Variants in ZNF385D observed in about 807,000 individuals in gnomAD.
The protein encoded by ZNF385D is zinc finger protein 659.
Under a neutral mutation model 35.8 loss-of-function variants are expected in ZNF385D, and 15 were observed. That is an observed-to-expected ratio of 0.42 (90% CI 0.28 to 0.64). ZNF385D has a LOEUF of 0.64. ZNF385D is among the 30% of genes least tolerant of loss of function. The pLI, the probability that ZNF385D is intolerant of heterozygous loss-of-function variation, is 0.23. For missense variants in ZNF385D, 474 were observed against 494.6 expected, an observed-to-expected ratio of 0.96 and a Z score of 0.39; for synonymous variants, 212 against 186.8, an observed-to-expected ratio of 1.13 and a Z score of -1.10.
At chr3:22,350,600 T>C (rs1435859133) in intron 2 of ZNF385D, among the ~76,000 whole-genome samples, 1 of 152,138 alleles carries the variant, frequency 6.6e-6, no homozygotes, top group Non-Finnish European at 1.5e-5. Context: ...AAATATCACC[T>C]AGCCATTATC....
chr3:22,231,233 G>C (rs1316901231), intron 2 of ZNF385D, among the ~76,000 whole-genome samples: 4 of 152,182 alleles, frequency 2.6e-5, no homozygotes. Flanking sequence ...AGAAAGTGTT[G>C]CAAGATCAGT....
At chr3:21,531,504 A>G (rs2061921290) in intron 3 of ZNF385D, among the ~76,000 whole-genome samples, 1 of 152,200 alleles carries the variant, frequency 6.6e-6, no homozygotes, top group African/African-American at 2.4e-5. Context: ...ATGAGAAACA[A>G]CCAAGTTGTC....
In ZNF385D at chr3:22,056,655, C is replaced by T. The variant is rs543549999; in HGVS notation, c.325+112162G>A. ...GCAGTTTGACAGTTTTAATTCAAAA[C>T]TATTGTTCAGTGTACATCAGCTATT... On this transcript the variant is annotated intron_variant, in intron 3 of 5. Transcript: ENST00000494108. Among the ~76,000 whole-genome samples the T allele has an allele frequency of 1.0e-3, 153 of 152,304 alleles. 4 individuals are homozygous for T. The South Asian group carries it at 0.031, about 31-fold the overall frequency.
intron 4 of ZNF385D, among the ~76,000 whole-genome samples, chr3:21,448,697 G>T (rs984478466): frequency 6.6e-6 from 1 of 152,126 alleles, no homozygotes; most frequent in African/African-American, 2.4e-5. Flanking sequence ...CTCTTCCCCA[G>T]CAAAGCTAAC....
chr3:21,499,286 T>G (rs1706179946), intron 4 of ZNF385D, among the ~76,000 whole-genome samples: 1 of 152,154 alleles, frequency 6.6e-6, no homozygotes, highest in African/African-American at 2.4e-5. Flanking sequence ...CACCATGGAA[T>G]ACTATGTAAA....
intron 3 of ZNF385D, among the ~76,000 whole-genome samples, chr3:22,101,641 T>C (rs965523069): frequency 6.6e-6 from 1 of 152,000 alleles, no homozygotes; most frequent in Non-Finnish European, 1.5e-5. Flanking sequence ...CAACTATAGC[T>C]ACTAATAGAA....
At chr3:22,170,596 T>C (rs938402935) in intron 2 of ZNF385D, among the ~76,000 whole-genome samples, 32 of 152,316 alleles carry the variant, frequency 2.1e-4, no homozygotes, top group African/African-American at 7.7e-4. Context: ...TCAGATAACC[T>C]TGTTAAAATA....
At chr3:21,987,917 T>A (rs1174537446) in intron 3 of ZNF385D, among the ~76,000 whole-genome samples, 5 of 146,260 alleles carry the variant, frequency 3.4e-5, no homozygotes, top group African/African-American at 9.9e-5. Context: ...ATTTCATTCA[T>A]TTCATCTTCC....
chr3:21,901,102 A>T (rs1240452733), intron 3 of ZNF385D, among the ~76,000 whole-genome samples: 2 of 152,216 alleles, frequency 1.3e-5, no homozygotes, highest in African/African-American at 4.8e-5. Flanking sequence ...GCGCTAAGCA[A>T]ATTGGCTGCA....
Position 22,357,952 on chromosome 3 carries a change from C to T in ZNF385D, c.106+14498G>A, listed in dbSNP as rs189347871. 1.5e-4 allele frequency among the ~76,000 whole-genome samples: 23 copies of T among 151,922 alleles called. 1 individual carries two copies. The highest frequency in any genetic ancestry group is 6.8e-3 in the Middle Eastern group (2 of 294). On this transcript the variant is annotated intron_variant, in intron 2 of 5. Coordinates refer to the ZNF385D transcript ENST00000494108. ...AACAGATTTAAACATTACAAGCATTCGATATGCTATATTTTAAATGGTCTA... is the reference window on the plus strand; with the variant it reads ...AACAGATTTAAACATTACAAGCATTTGATATGCTATATTTTAAATGGTCTA...
intron 1 of ZNF385D, among the ~76,000 whole-genome samples, chr3:21,712,657 T>C (rs2068158360): frequency 6.6e-6 from 1 of 152,188 alleles, no homozygotes; most frequent in Admixed American, 6.5e-5. Context: ...CAGAAAAAAA[T>C]GAGAATCGTT....
chr3:21,983,435 A>T lies in ZNF385D; in HGVS notation c.325+185382T>A, dbSNP rs1484810142. Among the ~76,000 whole-genome samples the T allele has an allele frequency of 1.1e-3, 121 of 107,534 alleles. 1 individual carries two copies. The highest frequency in any genetic ancestry group is 3.8e-3 in the African/African-American group (111 of 29,242). The allele number at this position is 107,534 out of a possible 152,430, so 70.5% of individuals were successfully genotyped here. On this transcript the variant is annotated intron_variant, in intron 3 of 5. Coordinates refer to the ZNF385D transcript ENST00000494108. ...CGGTGTTTGGTTTTTTGTTCTTGCG[A>T]TAGTTTACTGAGAATGATGGTTTCC...
chr3:21,942,994 T>C (rs1200121283), intron 3 of ZNF385D, among the ~76,000 whole-genome samples: 1 of 152,186 alleles, frequency 6.6e-6, no homozygotes, highest in Non-Finnish European at 1.5e-5. Flanking sequence ...TTCATGACAA[T>C]GGTTAAGAAC....
intron 2 of ZNF385D, among the ~76,000 whole-genome samples, chr3:22,264,292 G>A (rs1359595437): frequency 6.6e-6 from 1 of 152,040 alleles, no homozygotes; most frequent in African/African-American, 2.4e-5. Flanking sequence ...TGAATTAAAG[G>A]TCAGCAAGAG....
At chr3:21,960,511 A>T (rs1702530482) in intron 3 of ZNF385D, among the ~76,000 whole-genome samples, 1 of 152,126 alleles carries the variant, frequency 6.6e-6, no homozygotes, top group South Asian at 2.1e-4. Context: ...GACAGCCATT[A>T]GGGAAAACAG....
At chr3:21,956,449 G>A (rs1358121431) in intron 3 of ZNF385D, among the ~76,000 whole-genome samples, 2 of 151,890 alleles carry the variant, frequency 1.3e-5, no homozygotes, top group African/African-American at 4.8e-5. Context: ...AGAAGAAAAA[G>A]GATTGACACT....
chr3:21,586,535 G>C (rs2063816093), intron 2 of ZNF385D, among the ~76,000 whole-genome samples: 1 of 152,120 alleles, frequency 6.6e-6, no homozygotes, highest in Non-Finnish European at 1.5e-5. Context: ...AGAGAGATTA[G>C]TTAATATAGT....
chr3:22,149,844 T>TAAAA (rs1293132409), intron 3 of ZNF385D, among the ~76,000 whole-genome samples: 1 of 152,186 alleles, frequency 6.6e-6, no homozygotes. Flanking sequence ...GACTTTTTTT[T>TAAAA]GTCTTTGATG....
chr3:22,153,530 C>A (rs1337365472), intron 3 of ZNF385D, among the ~76,000 whole-genome samples: 1 of 145,214 alleles, frequency 6.9e-6, no homozygotes, highest in Non-Finnish European at 1.5e-5. Flanking sequence ...GTGGCACGGT[C>A]TCGGATCACT....
Sources: allele counts gnomAD v4.1 joint callset (sites outside exome capture counted in the v4.1 genomes callset), GRCh38; gene constraint gnomAD v4.1.1; transcripts MANE v1.5; gene names NCBI Gene and HGNC (gene_info 2026-07-23, HGNC 2026-07-21).